MID1: variants seen among roughly 807,000 people sequenced by gnomAD.
The protein encoded by MID1 is midline 1, also known as E3 ubiquitin-protein ligase Midline-1.
Under a neutral mutation model 40.4 loss-of-function variants are expected in MID1, and 7 were observed. The ratio of observed to expected loss-of-function variants is 0.17; its 90% CI spans 0.10 to 0.33. The LOEUF (loss-of-function observed/expected upper bound fraction) is 0.33. MID1 is among the 10% of genes least tolerant of loss of function. The probability of loss-of-function intolerance (pLI) is 1.00; values close to 1 mark genes in which losing one functional copy is unlikely to be tolerated. For synonymous variants in MID1, 229 were observed against 221.2 expected, an observed-to-expected ratio of 1.04 and a Z score of -0.31; for missense variants, 367 against 558.5, an observed-to-expected ratio of 0.66 and a Z score of 3.46.
chrX:10,539,302 C>T (rs2147404126), intron 2 of MID1, among the ~76,000 whole-genome samples: 1 of 111,931 alleles, frequency 8.9e-6, no homozygotes, highest in Non-Finnish European at 1.9e-5. Flanking sequence ...GATCGTGCGG[C>T]TGGCTCTAGA....
intron 1 of MID1, among the ~76,000 whole-genome samples, chrX:10,711,185 T>A (rs745657444): frequency 2.7e-5 from 3 of 111,929 alleles, no homozygotes; most frequent in Non-Finnish European, 3.8e-5. Context: ...ATTGTCATGG[T>A]GCTTTAAGAA....
intron 3 of MID1, among the ~76,000 whole-genome samples, chrX:10,518,851 G>A (rs1325610801): frequency 8.9e-6 from 1 of 111,737 alleles, no homozygotes; most frequent in Non-Finnish European, 1.9e-5. Context: ...CCTTGTAAAT[G>A]CAAGTCCACT....
intron 1 of MID1, among the ~76,000 whole-genome samples, chrX:10,633,971 C>T (rs1936080807): frequency 9.0e-6 from 1 of 110,515 alleles, no homozygotes; most frequent in Admixed American, 9.7e-5. Context: ...CTACAGCCCA[C>T]ATCACATGAC....
At chrX:10,665,932 C>G (rs1475472207) in intron 1 of MID1, among the ~76,000 whole-genome samples, 2 of 109,617 alleles carry the variant, frequency 1.8e-5, no homozygotes, top group Non-Finnish European at 1.9e-5. Flanking sequence ...TCAGCTAGGT[C>G]AGTACAAAGC....
chrX:10,728,781 G>T (rs1431259286), intron 1 of MID1, among the ~76,000 whole-genome samples: 1 of 111,919 alleles, frequency 8.9e-6, no homozygotes, highest in African/African-American at 3.2e-5. Flanking sequence ...TTATGCTATT[G>T]GGTGTGACTT....
chrX:10,817,570 T>TTCTTTCTTTCTTTCTC (rs1555927218), intron 1 of MID1, among the ~76,000 whole-genome samples: 2 of 88,305 alleles, frequency 2.3e-5, no homozygotes, highest in African/African-American at 9.1e-5. Context: ...CTTTCTTTCT[T>TTCTTTCTTTCTTTCTC]TCTCTCTTTC....
chrX:10,579,764 A>T (rs1376250695), intron 1 of MID1, among the ~76,000 whole-genome samples: 1 of 109,240 alleles, frequency 9.2e-6, no homozygotes, highest in African/African-American at 3.4e-5. Flanking sequence ...TCCCCTGATC[A>T]CTGAAGCTCT....
In MID1 at chrX:10,803,476, C is replaced by T. The variant is rs763606283; in HGVS notation, c.-187+30078G>A. ...CAAGCGATTCTCCTGCCTCAGCCTCCCAAGTAGCTGGGATTTCCGGCATGC... is the reference window on the plus strand; with the variant it reads ...CAAGCGATTCTCCTGCCTCAGCCTCTCAAGTAGCTGGGATTTCCGGCATGC... On this transcript the variant is annotated intron_variant, in intron 1 of 10. Coordinates refer to the MID1 transcript ENST00000380785. 8.3e-5 allele frequency among the ~76,000 whole-genome samples: 9 copies of T among 108,849 alleles called. No individual in the cohort carries two copies. The East Asian group carries it at 2.3e-3, about 28-fold the overall frequency. The allele number at this position is 108,849 out of a possible 115,157, so 94.5% of individuals were successfully genotyped here.
At chrX:10,742,216 C>A (rs11095543) in intron 1 of MID1, among the ~76,000 whole-genome samples, 39,771 of 110,046 alleles carry the variant, frequency 0.36, 6,745 homozygotes, top group Non-Finnish European at 0.52. Flanking sequence ...TATTTTACCT[C>A]CCCATTTCCA....
rs768238126 is a variant in MID1, at chrX:10,777,652, T to C, written c.-187+55902A>G. ...ACCTCCCAGGTTCAAGTGATTCTCC[T>C]GCCTCAGCCTCCTGAGTAGCTGGGA... On this transcript the variant is annotated intron_variant, in intron 1 of 10. Coordinates refer to the MID1 transcript ENST00000380785. Among the ~76,000 whole-genome samples, 3 of 109,852 alleles carry C rather than the reference T, an allele frequency of 2.7e-5. No individual in the cohort carries two copies. The East Asian group carries it at 8.6e-4, about 31-fold the overall frequency.
intron 2 of MID1, among the ~76,000 whole-genome samples, chrX:10,526,517 C>G (rs1487369703): frequency 9.0e-6 from 1 of 111,368 alleles, no homozygotes; most frequent in African/African-American, 3.3e-5. Flanking sequence ...TGACCCTTCA[C>G]AGCAGGAAAT....
chrX:10,489,474 T>C (rs1476909490), intron 4 of MID1, among the ~76,000 whole-genome samples: 1 of 112,298 alleles, frequency 8.9e-6, no homozygotes, highest in East Asian at 2.8e-4. Context: ...CCAGCACCAG[T>C]TACTAAAAAG....
chrX:10,801,610 A>T (rs2044008074), intron 1 of MID1, among the ~76,000 whole-genome samples: 1 of 112,015 alleles, frequency 8.9e-6, no homozygotes, highest in Non-Finnish European at 1.9e-5. Context: ...AGGACTCCAT[A>T]GTCAATAAAT....
intron 1 of MID1, among the ~76,000 whole-genome samples, chrX:10,815,282 G>A (rs771735413): frequency 9.0e-6 from 1 of 111,548 alleles, no homozygotes; most frequent in Non-Finnish European, 1.9e-5. Flanking sequence ...GACCCCAAAG[G>A]GTCAGTCATA....
At chrX:10,536,986 C>G (rs1169326188) in intron 2 of MID1, among the ~76,000 whole-genome samples, 1 of 111,408 alleles carries the variant, frequency 9.0e-6, no homozygotes, top group African/African-American at 3.3e-5. Flanking sequence ...CAATGTCATG[C>G]CACACAGAAG....
In MID1 at chrX:10,638,995, C is replaced by A. The variant is rs755648141; in HGVS notation, c.-186-18576G>T. Among the ~76,000 whole-genome samples the A allele has an allele frequency of 2.7e-5, 3 of 112,198 alleles. No homozygotes were observed. In the South Asian group the frequency reaches 1.1e-3, roughly 42 times the overall value. On this transcript the variant is annotated intron_variant, in intron 1 of 10. Transcript: ENST00000380785. ...AAGAGAAAGGACATTCACACCAAAA[C>A]CCCATCTGTACATCACCATCATCAA...
rs200861179 is a variant in MID1, at chrX:10,506,121, CAGG to C, written c.757-10433_757-10431del. 2.4e-3 allele frequency: 2,021 copies of C among 837,671 alleles called. 6 individuals carry two copies. Among genetic ancestry groups the C allele is most frequent in the African/African-American group, 0.018 (847 of 46,185 alleles). The allele number at this position is 837,671 out of a possible 1,213,427, so 69.0% of individuals were successfully genotyped here. On this transcript the variant is annotated intron_variant, in intron 3 of 9. Transcript: ENST00000317552. Reference sequence around the variant, plus strand: ...CCCTGTTGTTGTCATTCTAGAATATCAGGAGAAGTGAGTAGATTGATTTTTAAA... The same window carrying C: ...CCCTGTTGTTGTCATTCTAGAATATCAGAAGTGAGTAGATTGATTTTTAAA...
intron 1 of MID1, among the ~76,000 whole-genome samples, chrX:10,786,695 T>C (rs1602577874): frequency 9.2e-6 from 1 of 108,715 alleles, no homozygotes; most frequent in South Asian, 4.1e-4. Context: ...GAAACCATCA[T>C]TCTGAGCAAA....
chrX:10,492,082 ATTT>A (rs1034860445), intron 4 of MID1, among the ~76,000 whole-genome samples: 2 of 110,872 alleles, frequency 1.8e-5, no homozygotes, highest in Admixed American at 1.9e-4. Context: ...TTTCCTATCT[ATTT>A]TTTTATTTCA....
Sources: allele counts gnomAD v4.1 joint callset (sites outside exome capture counted in the v4.1 genomes callset), GRCh38; gene constraint gnomAD v4.1.1; transcripts MANE v1.5; gene names NCBI Gene and HGNC (gene_info 2026-07-23, HGNC 2026-07-21).